The following WIPF2 variants were observed in gnomAD, a reference collection of about 807,000 sequenced individuals.
WIPF2 encodes the protein WAS/WASL interacting protein family member 2, also known as WAS/WASL-interacting protein family member 2.
In WIPF2, 23 loss-of-function variants were observed where a neutral mutation model predicts 38.8. The ratio of observed to expected loss-of-function variants is 0.59; its 90% confidence interval spans 0.43 to 0.84. WIPF2 has a LOEUF of 0.84. Among genes scored for constraint, WIPF2 ranks in the 40% least tolerant of loss-of-function variants. The pLI is 0.00. For synonymous variants in WIPF2, 210 were observed against 223.2 expected, an observed-to-expected ratio of 0.94 and a Z score of 0.53; for missense variants, 574 against 580.5, an observed-to-expected ratio of 0.99 and a Z score of 0.11.
intron 5 of WIPF2, 86 bp downstream of exon 5, chr17:40,265,232 G>A (rs1050633498): frequency 2.6e-5 from 38 of 1,452,194 alleles, no homozygotes; most frequent in Admixed American, 4.5e-5. Flanking sequence ...ACAGTAATTC[G>A]TTTATTCACT....
rs1237139289 is a variant in WIPF2 at position 40,282,201 on chromosome 17, A to G, written c.*3976A>G. 2 of 150,570 alleles carry G rather than the reference A, an allele frequency of 1.3e-5. No individual in the cohort carries two copies. The highest frequency in any genetic ancestry group is 3.9e-4 in the East Asian group (2 of 5,168). 9.3% of individuals were successfully genotyped at this position (150,570 alleles called of 1,614,324 possible). ...CCACATTCATTGTGCCTTTACTTGC[A>G]TTAGATTTCTGTGCTTTCTTCCTTT... On this transcript the variant is annotated 3_prime_UTR_variant, in exon 8 of 8. Transcript: ENST00000323571.
intron 1 of WIPF2, among the ~76,000 whole-genome samples, chr17:40,237,423 T>C (rs1307609668): frequency 6.6e-6 from 1 of 151,906 alleles, no homozygotes; most frequent in African/African-American, 2.4e-5. Context: ...GTATTTTTAG[T>C]AGAGACAGAG....
At chr17:40,243,548 C>T (rs2031261647) in intron 1 of WIPF2, among the ~76,000 whole-genome samples, 1 of 151,728 alleles carries the variant, frequency 6.6e-6, no homozygotes, top group South Asian at 2.1e-4. Flanking sequence ...GAGTCTTGCT[C>T]TGTCGCCCAG....
At chr17:40,239,824 G>A (rs1425729911) in intron 1 of WIPF2, among the ~76,000 whole-genome samples, 4 of 149,848 alleles carry the variant, frequency 2.7e-5, no homozygotes, top group Non-Finnish European at 3.0e-5. Flanking sequence ...AGCCTCCCAA[G>A]TAGCTGGGAT....
chr17:40,273,107 C>T (rs1466348143), intron 5 of WIPF2, among the ~76,000 whole-genome samples: 1 of 152,044 alleles, frequency 6.6e-6, no homozygotes, highest in African/African-American at 2.4e-5. Context: ...AATCTGGGCT[C>T]ACTGCAACCT....
chr17:40,235,965 T>A (rs1294719720), intron 1 of WIPF2, among the ~76,000 whole-genome samples: 1 of 151,676 alleles, frequency 6.6e-6, no homozygotes, highest in East Asian at 1.9e-4. Flanking sequence ...TAAAAAAATT[T>A]TTTTTTTTTT....
Position 40,235,734 on chromosome 17 carries a change from C to T in WIPF2, c.-70+16242C>T, listed in dbSNP as rs896471974. ...GATTACAGGCATGCATCACCATGCC[C>T]AGCTAATTTTGTATTTTTAGTAGAG... On this transcript the variant is annotated intron_variant, in intron 1 of 7. Transcript: ENST00000323571. Among the ~76,000 whole-genome samples, 3 of 151,652 alleles carry T rather than the reference C, an allele frequency of 2.0e-5. No homozygotes were observed. The South Asian group carries it at 6.3e-4, about 32-fold the overall frequency.
In WIPF2 at chr17:40,219,368, T is replaced by TGGCGGCGGC. The variant is rs60253561; in HGVS notation, c.-171_-163dup. Reference sequence around the variant, plus strand: ...ATTTCCGGGTTGGCAAAAGGGGCGGTGGCGGCGGCGGCGGCGGCGGCGGCG... The same window carrying TGGCGGCGGC: ...ATTTCCGGGTTGGCAAAAGGGGCGGTGGCGGCGGCGGCGGCGGCGGCGGCGGCGGCGGCG... On this transcript the variant is annotated 5_prime_UTR_variant, in exon 1 of 8. Coordinates refer to ENST00000323571, the MANE Select transcript of WIPF2 (RefSeq NM_133264.5). 0.018 allele frequency: 6,790 copies of TGGCGGCGGC among 379,574 alleles called. 345 individuals are homozygous for TGGCGGCGGC. The highest frequency in any genetic ancestry group is 0.044 in the African/African-American group (1,882 of 42,822). The allele number at this position is 379,574 out of a possible 1,614,324, so 23.5% of individuals were successfully genotyped here. A position where few individuals can be genotyped will look rare whatever the true frequency, so the allele number is the denominator to read the frequency against.
At chr17:40,221,431 A>T (rs2145261522) in intron 1 of WIPF2, among the ~76,000 whole-genome samples, 1 of 152,080 alleles carries the variant, frequency 6.6e-6, no homozygotes, top group Admixed American at 6.6e-5. Flanking sequence ...TGAAAATGAG[A>T]TTGAGATATT....
At position 40,278,373 on chromosome 17, in the gene WIPF2, C is replaced by T. The variant is rs2032472545; in HGVS notation, c.*148C>T. 1 of 874,128 alleles carries T rather than the reference C, an allele frequency of 1.1e-6. No individual in the cohort carries two copies. The highest frequency in any genetic ancestry group is 1.8e-6 in the Non-Finnish European group (1 of 563,058). 54.1% of individuals were successfully genotyped at this position (874,128 alleles called of 1,614,324 possible). A position where few individuals can be genotyped will look rare whatever the true frequency, so the allele number is the denominator to read the frequency against. On this transcript the variant is annotated 3_prime_UTR_variant, in exon 8 of 8. Transcript: ENST00000323571. ...CTAGACTCCAAATGTCCTCCCAGCTCACCTCCATCTATGCATCTCATCTCT... is the reference window on the plus strand; with the variant it reads ...CTAGACTCCAAATGTCCTCCCAGCTTACCTCCATCTATGCATCTCATCTCT...
intron 1 of WIPF2, among the ~76,000 whole-genome samples, chr17:40,225,926 G>A (rs1415630366): frequency 6.6e-6 from 1 of 151,952 alleles, no homozygotes; most frequent in Non-Finnish European, 1.5e-5. Context: ...GAGCCACCAG[G>A]CTCAGCCATT....
intron 5 of WIPF2, among the ~76,000 whole-genome samples, chr17:40,272,442 T>C (rs1280199217): frequency 6.6e-6 from 1 of 152,152 alleles, no homozygotes; most frequent in Non-Finnish European, 1.5e-5. Context: ...CCAAAAGAGG[T>C]GTTTGCAGTG....
chr17:40,244,191 C>T (rs778580639), intron 1 of WIPF2, among the ~76,000 whole-genome samples: 19 of 152,296 alleles, frequency 1.2e-4, no homozygotes, highest in East Asian at 3.9e-4. Context: ...TGGAAACCCT[C>T]TGTTATAGTC....
At chr17:40,227,004 G>A (rs1294220265) in intron 1 of WIPF2, among the ~76,000 whole-genome samples, 1 of 151,938 alleles carries the variant, frequency 6.6e-6, no homozygotes, top group Non-Finnish European at 1.5e-5. Context: ...GCCTCCCAAA[G>A]TGCTGGGATT....
intron 1 of WIPF2, among the ~76,000 whole-genome samples, chr17:40,254,637 C>T (rs1466423452): frequency 6.6e-6 from 1 of 151,928 alleles, no homozygotes; most frequent in Non-Finnish European, 1.5e-5. Flanking sequence ...TGTCAGATTC[C>T]AGGGATGTGA....
intron 2 of WIPF2, among the ~76,000 whole-genome samples, chr17:40,257,544 G>A (rs534617258): frequency 6.6e-6 from 1 of 152,002 alleles, no homozygotes; most frequent in African/African-American, 2.4e-5. Context: ...CAGGCGCGAT[G>A]GCTCACGCCT....
chr17:40,253,346 G>T (rs1337588739), intron 1 of WIPF2, among the ~76,000 whole-genome samples: 1 of 152,212 alleles, frequency 6.6e-6, no homozygotes, highest in East Asian at 1.9e-4. Flanking sequence ...ACAGGCGTGA[G>T]CCACCGCGCC....
chr17:40,254,731 A>G (rs1165631430), intron 1 of WIPF2, among the ~76,000 whole-genome samples: 2 of 149,986 alleles, frequency 1.3e-5, no homozygotes, highest in Non-Finnish European at 1.5e-5. Context: ...ACTAAGAATG[A>G]TTTTTCCTTT....
intron 3 of WIPF2, among the ~76,000 whole-genome samples, chr17:40,261,035 T>TAAA (rs34087528): frequency 4.3e-5 from 4 of 93,572 alleles, no homozygotes; most frequent in South Asian, 3.5e-4. Context: ...CTCAAAAAGG[T>TAAA]AAAAAAAAAA....
Sources: allele counts gnomAD v4.1 joint callset (sites outside exome capture counted in the v4.1 genomes callset), GRCh38; gene constraint gnomAD v4.1.1; transcripts MANE v1.5; gene names NCBI Gene and HGNC (gene_info 2026-07-23, HGNC 2026-07-21).